Variants in RASAL2 observed in about 807,000 individuals in gnomAD.
The protein encoded by RASAL2 is RAS protein activator like 2.
In RASAL2, 58 loss-of-function variants were observed where a neutral mutation model predicts 128.9. The observed-to-expected ratio is 0.45, with a 90% confidence interval of 0.36 to 0.56. The LOEUF is 0.56. RASAL2 is among the 20% of genes least tolerant of loss of function. The probability of loss-of-function intolerance (pLI) is 0.00; values close to 1 mark genes in which losing one functional copy is unlikely to be tolerated. For synonymous variants in RASAL2, 561 were observed against 580.8 expected, an observed-to-expected ratio of 0.97 and a Z score of 0.49; for missense variants, 1,360 against 1,601.6, an observed-to-expected ratio of 0.85 and a Z score of 2.57.
At chr1:178,178,634 G>A (rs1027710577) in intron 1 of RASAL2, among the ~76,000 whole-genome samples, 61 of 152,226 alleles carry the variant, frequency 4.0e-4, no homozygotes, top group Admixed American at 3.9e-3. Flanking sequence ...GCTTTTTCCA[G>A]TGCTTGTGCT....
At chr1:178,108,391 GATA>G (rs1347882564) in intron 1 of RASAL2, among the ~76,000 whole-genome samples, 4 of 152,162 alleles carry the variant, frequency 2.6e-5, no homozygotes, top group Non-Finnish European at 5.9e-5. Flanking sequence ...TGAGCATGAT[GATA>G]ATGATGATAA....
rs191117457 is a variant in RASAL2 at position 178,361,209 on chromosome 1, T to C, written c.458-28891T>C. Among the ~76,000 whole-genome samples, 444 of 152,328 alleles carry C rather than the reference T, an allele frequency of 2.9e-3. 4 individuals carry two copies. The highest frequency in any genetic ancestry group is 4.2e-3 in the Non-Finnish European group (287 of 68,026). On this transcript the variant is annotated intron_variant, in intron 3 of 17. Transcript: ENST00000367649. ...TTACATATCTGTTGATGCAACTGTT[T>C]TGTCCAACTACAGCCGAATTTACAA... is the stretch of plus-strand genomic sequence containing the variant.
chr1:178,180,755 A>G (rs1202223834), intron 1 of RASAL2, among the ~76,000 whole-genome samples: 1 of 150,450 alleles, frequency 6.6e-6, no homozygotes, highest in African/African-American at 2.4e-5. Context: ...TTAGCCTCTC[A>G]GCTAGTAGTA....
chr1:178,148,720 A>G (rs1004774089), intron 1 of RASAL2, among the ~76,000 whole-genome samples: 2 of 152,172 alleles, frequency 1.3e-5, no homozygotes, highest in Non-Finnish European at 2.9e-5. Flanking sequence ...TTAGGATTAC[A>G]GGCATGAGAC....
intron 4 of RASAL2, among the ~76,000 whole-genome samples, chr1:178,402,514 G>A (rs540256772): frequency 1.3e-4 from 20 of 152,110 alleles, no homozygotes; most frequent in South Asian, 1.0e-3. Flanking sequence ...AAACAGTATA[G>A]TTAGGAAATA....
intron 2 of RASAL2, among the ~76,000 whole-genome samples, chr1:178,292,846 A>G (rs1667341461): frequency 1.3e-5 from 2 of 152,162 alleles, no homozygotes; most frequent in East Asian, 3.8e-4. Context: ...ATTTGACTCC[A>G]TTTTTCTTAA....
At chr1:178,339,798 A>T (rs1387489480) in intron 3 of RASAL2, among the ~76,000 whole-genome samples, 5 of 152,336 alleles carry the variant, frequency 3.3e-5, no homozygotes, top group East Asian at 3.9e-4. Context: ...AAATGTTTGT[A>T]TTAGGTTGAA....
chr1:178,164,552 C>T (rs1179184235), intron 1 of RASAL2, among the ~76,000 whole-genome samples: 1 of 145,792 alleles, frequency 6.9e-6, no homozygotes, highest in Non-Finnish European at 1.5e-5. Context: ...CTTCCTTGCT[C>T]TAAATGGTTT....
chr1:178,336,082 T>A (rs1231732177), intron 3 of RASAL2, among the ~76,000 whole-genome samples: 1 of 152,132 alleles, frequency 6.6e-6, no homozygotes, highest in Non-Finnish European at 1.5e-5. Context: ...TGTCTCCATT[T>A]CCTCATCTGT....
chr1:178,453,716 C>T (rs1351489074), intron 11 of RASAL2, among the ~76,000 whole-genome samples: 1 of 151,724 alleles, frequency 6.6e-6, no homozygotes, highest in African/African-American at 2.4e-5. Context: ...TAAGAAATGG[C>T]TGGGAAGGAA....
At chr1:178,197,738 T>A (rs2101960194) in intron 1 of RASAL2, among the ~76,000 whole-genome samples, 1 of 152,314 alleles carries the variant, frequency 6.6e-6, no homozygotes, top group South Asian at 2.1e-4. Context: ...CTAGGGTACA[T>A]GTGCACAATG....
chr1:178,441,200 A>G (rs1375268976), intron 6 of RASAL2, among the ~76,000 whole-genome samples: 1 of 152,196 alleles, frequency 6.6e-6, no homozygotes, highest in Non-Finnish European at 1.5e-5. Flanking sequence ...ATTTAGGTTC[A>G]TAGCATATGT....
intron 3 of RASAL2, among the ~76,000 whole-genome samples, chr1:178,363,379 G>A (rs1320972034): frequency 1.3e-5 from 2 of 151,928 alleles, no homozygotes; most frequent in South Asian, 2.1e-4. Context: ...GCATTGCATC[G>A]TTATATATTT....
intron 9 of RASAL2, among the ~76,000 whole-genome samples, chr1:178,451,245 T>G (rs960546110): frequency 6.6e-6 from 1 of 152,200 alleles, no homozygotes; most frequent in African/African-American, 2.4e-5. Context: ...CCTTAAAACA[T>G]AACAAGTTTG....
intron 1 of RASAL2, among the ~76,000 whole-genome samples, chr1:178,211,858 C>G (rs750910267): frequency 1.6e-4 from 25 of 152,232 alleles, no homozygotes; most frequent in Non-Finnish European, 3.1e-4. Context: ...TACTTGTGTC[C>G]ATGTCTGTTT....
At chr1:178,117,878 T>C (rs1218169765) in intron 1 of RASAL2, among the ~76,000 whole-genome samples, 1 of 152,032 alleles carries the variant, frequency 6.6e-6, no homozygotes, top group African/African-American at 2.4e-5. Context: ...TATAATAATA[T>C]TCTTGGCCAG....
chr1:178,428,665 C>G (rs1675685153), intron 5 of RASAL2, among the ~76,000 whole-genome samples: 1 of 151,988 alleles, frequency 6.6e-6, no homozygotes, highest in South Asian at 2.1e-4. Flanking sequence ...TCATAGCTCA[C>G]TGTAACCTTG....
intron 1 of RASAL2, among the ~76,000 whole-genome samples, chr1:178,180,634 T>G (rs945363594): frequency 1.4e-5 from 2 of 138,308 alleles, no homozygotes; most frequent in African/African-American, 5.4e-5. Context: ...AGCACTGCAT[T>G]CAAGCCTGGG....
intron 1 of RASAL2, among the ~76,000 whole-genome samples, chr1:178,270,942 C>T (rs1355217928): frequency 1.3e-5 from 2 of 152,086 alleles, no homozygotes; most frequent in African/African-American, 4.8e-5. Flanking sequence ...TTGAAGAGAC[C>T]TTTGGGGGAA....
Sources: allele counts gnomAD v4.1 joint callset (sites outside exome capture counted in the v4.1 genomes callset), GRCh38; gene constraint gnomAD v4.1.1; transcripts MANE v1.5; gene names NCBI Gene and HGNC (gene_info 2026-07-23, HGNC 2026-07-21).